LRGUK: variants seen among roughly 807,000 people sequenced by gnomAD.
The protein encoded by LRGUK is leucine rich repeats and guanylate kinase domain containing.
LRGUK carries 65 observed loss-of-function variants against 76.0 expected under a neutral mutation model. The ratio of observed to expected loss-of-function variants is 0.85; its 90% CI spans 0.70 to 1.05. LRGUK has a LOEUF of 1.05. Among genes scored for constraint, LRGUK ranks in the 50% least tolerant of loss-of-function variants. The pLI, the probability that LRGUK is intolerant of heterozygous loss-of-function variation, is 0.00. For synonymous variants in LRGUK, 268 were observed against 265.6 expected (o/e 1.01, Z -0.09); for missense variants, 758 against 732.8 (o/e 1.03, Z -0.40).
intron 4 of LRGUK, among the ~76,000 whole-genome samples, chr7:134,147,421 C>T (rs1033374516): frequency 4.3e-5 from 6 of 139,972 alleles, no homozygotes; most frequent in African/African-American, 7.9e-5. Flanking sequence ...AGCGACAGAG[C>T]GAGACTCCAC....
chr7:134,132,235 G>T (rs1797342788), intron 1 of LRGUK, among the ~76,000 whole-genome samples: 1 of 152,110 alleles, frequency 6.6e-6, no homozygotes, highest in African/African-American at 2.4e-5. Flanking sequence ...TGCACCTGTA[G>T]TCCCAGCTAC....
chr7:134,219,844 GTTC>G (rs1801537686), intron 15 of LRGUK, among the ~76,000 whole-genome samples: 1 of 152,024 alleles, frequency 6.6e-6, no homozygotes, highest in Non-Finnish European at 1.5e-5. Flanking sequence ...CTTGAATGCT[GTTC>G]TTCTTTATGC....
chr7:134,195,380 G>C lies in LRGUK; in HGVS notation c.1432-1612G>C, dbSNP rs139549733. On this transcript the variant is annotated intron_variant, in intron 12 of 15. Transcript: ENST00000645682. Reference sequence around the variant, plus strand: ...ATCTTTGTTTTAAAGTGTAAACTAAGTTCCTCCCAAAGTTAGTTCAGCCTG... The same window carrying C: ...ATCTTTGTTTTAAAGTGTAAACTAACTTCCTCCCAAAGTTAGTTCAGCCTG... 1.5e-4 allele frequency among the ~76,000 whole-genome samples: 23 copies of C among 152,344 alleles called. No individual in the cohort carries two copies. In the East Asian group the frequency reaches 4.4e-3, roughly 29 times the overall value.
chr7:134,163,476 T>A (rs1200421246), exon 7 of LRGUK: 2 of 1,613,872 alleles, frequency 1.2e-6, no homozygotes, highest in Non-Finnish European at 1.7e-6. Context: ...CACAATCAGA[T>A]AAGCAGCCTC....
chr7:134,143,149 C>A (rs371889387), exon 4 of LRGUK: 15 of 1,599,782 alleles, frequency 9.4e-6, no homozygotes, highest in Non-Finnish European at 1.3e-5. Context: ...TTCAAGCCAC[C>A]CAAAAACCTC....
At chr7:134,186,311 T>C (rs1799977742) in intron 11 of LRGUK, among the ~76,000 whole-genome samples, 1 of 152,228 alleles carries the variant, frequency 6.6e-6, no homozygotes, top group African/African-American at 2.4e-5. Context: ...TCATTTTCAT[T>C]GAATCTTTTA....
chr7:134,168,448 A>G (rs548806981), intron 7 of LRGUK, among the ~76,000 whole-genome samples: 1 of 152,308 alleles, frequency 6.6e-6, no homozygotes, highest in East Asian at 1.9e-4. Context: ...CCTCCCTTCT[A>G]TCAAATGCTT....
chr7:134,205,323 T>C (rs2117105815), intron 15 of LRGUK, among the ~76,000 whole-genome samples: 1 of 152,154 alleles, frequency 6.6e-6, no homozygotes, highest in South Asian at 2.1e-4. Context: ...ACAGGAAAGT[T>C]CCCCAAGTCC....
At chr7:134,240,050 T>A (rs1418841040) in intron 16 of LRGUK, among the ~76,000 whole-genome samples, 1 of 152,180 alleles carries the variant, frequency 6.6e-6, no homozygotes, top group Non-Finnish European at 1.5e-5. Context: ...CCCATCTGTA[T>A]GTCACCATCA....
intron 12 of LRGUK, among the ~76,000 whole-genome samples, chr7:134,192,261 ACATGTTAC>A (rs1447111559): frequency 6.6e-6 from 1 of 152,124 alleles, no homozygotes; most frequent in African/African-American, 2.4e-5. Context: ...CTTGTTCTGG[ACATGTTAC>A]CATGGTCATG....
intron 7 of LRGUK, among the ~76,000 whole-genome samples, chr7:134,169,074 C>T (rs1799123160): frequency 6.6e-6 from 1 of 151,140 alleles, no homozygotes; most frequent in African/African-American, 2.4e-5. Context: ...AAGAGAAGAA[C>T]ATCTTGGATG....
the LRGUK span, among the ~76,000 whole-genome samples, chr7:134,273,055 T>A: frequency 6.6e-6 from 1 of 152,142 alleles, no homozygotes; most frequent in Non-Finnish European, 1.5e-5. Context: ...CATGCCTGGC[T>A]GTGGCTGCAT....
chr7:134,242,346 T>A (rs867651840), intron 16 of LRGUK, among the ~76,000 whole-genome samples: 1 of 151,200 alleles, frequency 6.6e-6, no homozygotes, highest in Admixed American at 6.6e-5. Context: ...ATCAAATAGA[T>A]GCAATAAAAA....
chr7:134,159,065 C>G (rs571776293), intron 6 of LRGUK, among the ~76,000 whole-genome samples: 1 of 152,230 alleles, frequency 6.6e-6, no homozygotes, highest in African/African-American at 2.4e-5. Flanking sequence ...GGGCCATGCA[C>G]TGCAACTCAT....
In LRGUK at chr7:134,148,287, C is replaced by A. The variant is rs552957381; in HGVS notation, c.638C>A (p.Ala213Glu). The A allele has an allele frequency of 1.0e-5, 16 of 1,602,102 alleles. No homozygotes were observed. In the East Asian group the frequency reaches 3.4e-4, roughly 34 times the overall value. ...ATTTCTGAAATTTGTGATTTGTCAG[C>A]GTATCATGCTCTCACTAAACTAATT... is the stretch of plus-strand genomic sequence containing the variant. The change falls in exon 5 of 16, where the codon GCG becomes GAG. Residue 213 changes from alanine to glutamate, a missense_variant. By Grantham distance (107) the Ala-to-Glu change is moderately radical. Coordinates refer to ENST00000645682, the Ensembl canonical transcript of LRGUK.
At chr7:134,257,758 C>T (rs532667074) in intron 18 of LRGUK, among the ~76,000 whole-genome samples, 3 of 151,948 alleles carry the variant, frequency 2.0e-5, no homozygotes, top group East Asian at 3.9e-4. Context: ...GAGCCCAGAT[C>T]GTGTCACTGC....
At chr7:134,192,889 G>A (rs1800316796) in intron 12 of LRGUK, among the ~76,000 whole-genome samples, 1 of 152,128 alleles carries the variant, frequency 6.6e-6, no homozygotes, top group South Asian at 2.1e-4. Context: ...CATCCAACTG[G>A]TGATTCCCTT....
At chr7:134,217,845 T>G (rs1801476883) in intron 15 of LRGUK, among the ~76,000 whole-genome samples, 1 of 152,176 alleles carries the variant, frequency 6.6e-6, no homozygotes, top group Non-Finnish European at 1.5e-5. Context: ...AGATTTTAAT[T>G]TTACAGGTAT....
Position 134,143,931 on chromosome 7 carries a change from C to T in LRGUK, c.588+769C>T, listed in dbSNP as rs142267611. On this transcript the variant is annotated intron_variant, in intron 4 of 15. Coordinates refer to ENST00000645682, the Ensembl canonical transcript of LRGUK. ...TGATGATGTCATGCCACTGGTCCAT[C>T]GGTCATACTTAAGTAGCAAGGTCAG... is the stretch of plus-strand genomic sequence containing the variant. Among the ~76,000 whole-genome samples, 15 of 152,286 alleles carry T rather than the reference C, an allele frequency of 9.8e-5. 1 individual carries two copies. Among genetic ancestry groups the T allele is most frequent in the African/African-American group, 3.6e-4 (15 of 41,568 alleles).
Sources: gnomAD v4.1 joint callset for allele counts (sites outside exome capture counted in the v4.1 genomes callset) on GRCh38, gnomAD v4.1.1 for gene constraint, MANE v1.5 for transcripts, NCBI Gene and HGNC (gene_info 2026-07-23, HGNC 2026-07-21) for gene names.